FAT3: variants seen among roughly 807,000 people sequenced by gnomAD.
The protein encoded by FAT3 is FAT atypical cadherin 3.
In FAT3, 95 loss-of-function variants were observed where a neutral mutation model predicts 310.2. That is an observed-to-expected ratio of 0.31 (90% CI 0.26 to 0.36). The LOEUF is 0.36. Ranked by LOEUF, FAT3 falls within the 10% of genes least tolerant of loss-of-function variation. The pLI, the probability that FAT3 is intolerant of heterozygous loss-of-function variation, is 1.00. For missense variants in FAT3, 5,408 were observed against 5,715.6 expected (o/e 0.95, Z 1.74); for synonymous variants, 2,314 against 2,192.9 (o/e 1.06, Z -1.54).
chr11:92,680,621 G>GT (rs913343134), intron 3 of FAT3, among the ~76,000 whole-genome samples: 5 of 151,736 alleles, frequency 3.3e-5, no homozygotes, highest in Admixed American at 1.3e-4. Flanking sequence ...GAATTTTACG[G>GT]TTTTTTTTCC....
At chr11:92,591,723 C>T (rs532996226) in intron 3 of FAT3, among the ~76,000 whole-genome samples, 1 of 152,188 alleles carries the variant, frequency 6.6e-6, no homozygotes, top group African/African-American at 2.4e-5. Flanking sequence ...TATTTTTACT[C>T]CCAAAAAGGC....
intron 1 of FAT3, among the ~76,000 whole-genome samples, chr11:92,267,766 A>G (rs1001414042): frequency 6.6e-6 from 1 of 152,140 alleles, no homozygotes; most frequent in Non-Finnish European, 1.5e-5. Flanking sequence ...ATCATTATTT[A>G]TTTGCTGATA....
At position 92,790,173 on chromosome 11, in the gene FAT3, G is replaced by T; in HGVS notation, c.4566G>T (p.Glu1522Asp). The change falls in exon 8 of 28, where the codon GAG (glutamate) becomes GAT (aspartate). Residue 1522 changes from glutamate (E) to aspartate (D), a missense_variant. By Grantham distance (45) the Glu-to-Asp change is conservative. Coordinates refer to ENST00000525166, the MANE Select transcript of FAT3 (RefSeq NM_001367949.2). ...DPSTGVLYTA[E>D]RLDHEAQDKH... ...GCACTGGCGTGCTCTATACTGCCGAGAGGCTGGACCATGAGGCCCAGGACA... is the reference window on the plus strand; with the variant it reads ...GCACTGGCGTGCTCTATACTGCCGATAGGCTGGACCATGAGGCCCAGGACA... 1 of 1,613,750 alleles carries T rather than the reference G, an allele frequency of 6.2e-7. No homozygotes were observed. Among genetic ancestry groups the T allele is most frequent in the South Asian group, 1.1e-5 (1 of 91,080 alleles).
chr11:92,432,647 G>C (rs1173234946), intron 2 of FAT3, among the ~76,000 whole-genome samples: 1 of 152,182 alleles, frequency 6.6e-6, no homozygotes, highest in African/African-American at 2.4e-5. Flanking sequence ...ATTTGTTCCA[G>C]AGGGTCACCT....
chr11:92,727,696 T>A (rs1591654146), intron 4 of FAT3, among the ~76,000 whole-genome samples: 1 of 152,246 alleles, frequency 6.6e-6, no homozygotes, highest in East Asian at 1.9e-4. Flanking sequence ...CATTAATGTC[T>A]CCAGTGTTCA....
At chr11:92,772,738 A>G (rs1169878954) in intron 6 of FAT3, among the ~76,000 whole-genome samples, 1 of 152,166 alleles carries the variant, frequency 6.6e-6, no homozygotes, top group Non-Finnish European at 1.5e-5. Context: ...TCTTAAGTGT[A>G]TATGACAGCT....
At chr11:92,414,634 AT>A (rs1229875455) in intron 2 of FAT3, among the ~76,000 whole-genome samples, 8 of 152,216 alleles carry the variant, frequency 5.3e-5, no homozygotes, top group Non-Finnish European at 1.2e-4. Context: ...TCTTGGAAAC[AT>A]GGTTGACAAA....
chr11:92,483,662 A>G (rs1472176548), intron 2 of FAT3, among the ~76,000 whole-genome samples: 2 of 151,940 alleles, frequency 1.3e-5, no homozygotes, highest in East Asian at 1.9e-4. Context: ...CACCTCTTCT[A>G]TGCCAAGCAC....
chr11:92,640,795 A>G lies in FAT3; in HGVS notation c.3608-56589A>G, dbSNP rs1264343083. Among the ~76,000 whole-genome samples, 5 of 152,120 alleles carry G rather than the reference A, an allele frequency of 3.3e-5. No individual in the cohort carries two copies. In the East Asian group the frequency reaches 9.6e-4, roughly 29 times the overall value. On this transcript the variant is annotated intron_variant, in intron 3 of 27. Coordinates refer to ENST00000525166, the MANE Select transcript of FAT3 (RefSeq NM_001367949.2). Reference sequence around the variant, plus strand: ...TCTCAATTCCCATTTTATGGGCCCCAATGTTGTGTCACTGTTTCTTTCCCC... The same window carrying G: ...TCTCAATTCCCATTTTATGGGCCCCGATGTTGTGTCACTGTTTCTTTCCCC...
intron 1 of FAT3, among the ~76,000 whole-genome samples, chr11:92,340,954 T>G (rs532553736): frequency 1.3e-5 from 2 of 152,218 alleles, no homozygotes; most frequent in East Asian, 3.9e-4. Flanking sequence ...AGTTTTCTCT[T>G]AGGATGAGCT....
At chr11:92,466,149 C>T (rs903808651) in intron 2 of FAT3, among the ~76,000 whole-genome samples, 5 of 152,102 alleles carry the variant, frequency 3.3e-5, no homozygotes, top group Non-Finnish European at 7.4e-5. Flanking sequence ...TAGGAATGAT[C>T]AAATATGATG....
At chr11:92,628,237 A>G (rs1240906511) in intron 3 of FAT3, among the ~76,000 whole-genome samples, 1 of 152,114 alleles carries the variant, frequency 6.6e-6, no homozygotes, top group African/African-American at 2.4e-5. Context: ...TTAGAATGTA[A>G]ATTTTGTCTT....
chr11:92,745,183 A>G (rs1364282909), intron 4 of FAT3, among the ~76,000 whole-genome samples: 1 of 152,196 alleles, frequency 6.6e-6, no homozygotes, highest in Non-Finnish European at 1.5e-5. Flanking sequence ...CTACCAATAT[A>G]TACTTTCTGT....
intron 13 of FAT3, among the ~76,000 whole-genome samples, chr11:92,812,719 A>T (rs893633630): frequency 6.6e-5 from 10 of 152,200 alleles, no homozygotes; most frequent in Admixed American, 4.6e-4. Flanking sequence ...AGGCCCTGCA[A>T]TTCCAGGTAC....
intron 2 of FAT3, among the ~76,000 whole-genome samples, chr11:92,491,768 C>T (rs1045633285): frequency 1.3e-5 from 2 of 152,038 alleles, no homozygotes; most frequent in African/African-American, 4.8e-5. Flanking sequence ...AACCTGTGAC[C>T]ATTGTCACCA....
chr11:92,834,217 C>A (rs946646338), intron 14 of FAT3, among the ~76,000 whole-genome samples: 2 of 152,206 alleles, frequency 1.3e-5, no homozygotes, highest in Non-Finnish European at 2.9e-5. Flanking sequence ...TTAAGCAATT[C>A]TGTGACATGG....
chr11:92,698,173 T>A (rs1459896767), intron 4 of FAT3, among the ~76,000 whole-genome samples: 1 of 152,180 alleles, frequency 6.6e-6, no homozygotes, highest in Admixed American at 6.5e-5. Context: ...TAAGGTTTTA[T>A]AATGTGTCTA....
chr11:92,504,947 A>T (rs1953053790), intron 2 of FAT3, among the ~76,000 whole-genome samples: 1 of 152,100 alleles, frequency 6.6e-6, no homozygotes, highest in South Asian at 2.1e-4. Context: ...TAATGACATG[A>T]CTTCATAAAG....
intron 4 of FAT3, among the ~76,000 whole-genome samples, chr11:92,754,923 G>A (rs35098558): frequency 0.15 from 23,493 of 151,938 alleles, 1,911 homozygotes; most frequent in African/African-American, 0.18. Context: ...ACATGGAAAC[G>A]TGGATATACT....
Sources: gnomAD v4.1 joint callset for allele counts (sites outside exome capture counted in the v4.1 genomes callset) on GRCh38, gnomAD v4.1.1 for gene constraint, MANE v1.5 for transcripts, NCBI Gene and HGNC (gene_info 2026-07-23, HGNC 2026-07-21) for gene names.